The following SLC22A2 variants were observed in gnomAD, a reference collection of about 807,000 sequenced individuals.
SLC22A2 encodes solute carrier family 22 member 2, also known as organic cation transporter 2.
In SLC22A2, 46 loss-of-function variants were observed where a neutral mutation model predicts 60.5. The observed-to-expected ratio is 0.76, with a 90% CI of 0.60 to 0.97. SLC22A2 has a LOEUF of 0.97. SLC22A2 is among the 50% of genes least tolerant of loss of function. The pLI is 0.00. For synonymous variants in SLC22A2, 303 were observed against 267.0 expected (o/e 1.13, Z -1.31); for missense variants, 701 against 706.6 (o/e 0.99, Z 0.09).
At chr6:160,256,882 TTCTTCTTC>T (rs1175488632) in intron 1 of SLC22A2, among the ~76,000 whole-genome samples, 165 bp from the exon 2 acceptor site, 1 of 147,414 alleles carries the variant, frequency 6.8e-6, no homozygotes, top group Non-Finnish European at 1.5e-5. Context: ...GCCAATTTTC[TTCTTCTTC>T]TCTCTCTCTC....
At chr6:160,248,592 T>C (rs1368513607) in intron 4 of SLC22A2, among the ~76,000 whole-genome samples, 1 of 152,230 alleles carries the variant, frequency 6.6e-6, no homozygotes, top group East Asian at 1.9e-4. Flanking sequence ...GATAATCCAG[T>C]ATCCCCTTTG....
chr6:160,234,634 C>T (rs576617837), intron 9 of SLC22A2, among the ~76,000 whole-genome samples: 1 of 152,222 alleles, frequency 6.6e-6, no homozygotes, highest in South Asian at 2.1e-4. Flanking sequence ...GAACTTGTAA[C>T]CACATGGCAG....
At chr6:160,246,872 G>A (rs1347727505) in intron 5 of SLC22A2, among the ~76,000 whole-genome samples, 1 of 152,224 alleles carries the variant, frequency 6.6e-6, no homozygotes, top group African/African-American at 2.4e-5. Flanking sequence ...TGCAGATGAT[G>A]GGGGTGCTGG....
In SLC22A2 at chr6:160,245,499, A is replaced by G; in HGVS notation, c.1004T>C (p.Phe335Ser). 6.2e-7 allele frequency: 1 copy of G among 1,611,360 alleles called. No individual in the cohort carries two copies. Among genetic ancestry groups the G allele is most frequent in the East Asian group, 2.2e-5 (1 of 44,826 alleles). ...CTGAGGAGTTCTGACCAAGTCAAGA[A>G]ATGAAGGGTTCAATTTCTTGCCAGT... is the stretch of plus-strand genomic sequence containing the variant. ...EETGKKLNPS[F>S]LDLVRTPQIR... The change falls in exon 6 of 11, where the codon TTT (phenylalanine) becomes TCT (serine). Residue 335 changes from phenylalanine (F) to serine (S), a missense_variant. By Grantham distance (155) the Phe-to-Ser change is radical. Transcript: ENST00000366953.
At chr6:160,230,039 C>G (rs572462923) in intron 9 of SLC22A2, among the ~76,000 whole-genome samples, 1 of 151,836 alleles carries the variant, frequency 6.6e-6, no homozygotes, top group Non-Finnish European at 1.5e-5. Context: ...TTCTTTCCCT[C>G]CTGCCTGTTC....
intron 6 of SLC22A2, 125 bp from the exon 7 acceptor site, chr6:160,243,911 C>T: frequency 1.6e-6 from 1 of 637,212 alleles, no homozygotes; most frequent in Non-Finnish European, 2.7e-6. Flanking sequence ...CTTGCTAGTC[C>T]CCCATCCCAC....
Position 160,249,387 on chromosome 6 carries a change from G to T in SLC22A2, c.674-3C>A. The T allele has an allele frequency of 1.2e-6, 2 of 1,611,770 alleles. No individual in the cohort carries two copies. Among genetic ancestry groups the T allele is most frequent in the South Asian group, 2.2e-5 (2 of 90,752 alleles). On this transcript the variant is annotated splice_polypyrimidine_tract_variant and splice_region_variant and intron_variant, in intron 3 of 10. Coordinates refer to ENST00000366953, the MANE Select transcript of SLC22A2 (RefSeq NM_003058.4). ...TCTCCGCCCAACAAATTCTGTAACT[G>T]CAGAGAGAATTTGAATGGTTAATGC...
intron 9 of SLC22A2, among the ~76,000 whole-genome samples, chr6:160,231,084 T>A (rs1166948919): frequency 1.3e-5 from 2 of 151,816 alleles, no homozygotes; most frequent in African/African-American, 4.9e-5. Flanking sequence ...GGCTACCCAC[T>A]CCACATTACC....
intron 4 of SLC22A2, among the ~76,000 whole-genome samples, chr6:160,248,094 T>C (rs1026165186): frequency 6.6e-6 from 1 of 152,190 alleles, no homozygotes; most frequent in Non-Finnish European, 1.5e-5. Flanking sequence ...GGACTGAATG[T>C]TTCTGTCCCC....
At chr6:160,233,782 C>T (rs935874346) in intron 9 of SLC22A2, among the ~76,000 whole-genome samples, 5 of 151,864 alleles carry the variant, frequency 3.3e-5, no homozygotes, top group Non-Finnish European at 5.9e-5. Flanking sequence ...TAGGTTCCCA[C>T]GCTGCCCCTA....
chr6:160,224,840 T>G (rs765661967), intron 9 of SLC22A2, 36 bp from the exon 10 acceptor site: 2 of 1,265,084 alleles, frequency 1.6e-6, no homozygotes, highest in Admixed American at 2.2e-5. Flanking sequence ...CATTAAGAAC[T>G]GAAAAACTCA....
intron 1 of SLC22A2, among the ~76,000 whole-genome samples, 156 bp downstream of exon 1, chr6:160,258,188 G>C (rs932605244): frequency 6.6e-6 from 1 of 152,200 alleles, no homozygotes; most frequent in Non-Finnish European, 1.5e-5. Context: ...ATTAGAAGCT[G>C]CATGTTCTCA....
At position 160,217,221 on chromosome 6, in the gene SLC22A2, A is replaced by G. The variant is rs1782554344; in HGVS notation, c.*211T>C. 2.5e-6 allele frequency: 1 copy of G among 397,982 alleles called. No homozygotes were observed. Among genetic ancestry groups the G allele is most frequent in the African/African-American group, 2.1e-5 (1 of 48,510 alleles). The allele number at this position is 397,982 out of a possible 1,614,324, so 24.7% of individuals were successfully genotyped here. A position where few individuals can be genotyped will look rare whatever the true frequency, so the allele number is the denominator to read the frequency against. On this transcript the variant is annotated 3_prime_UTR_variant, in exon 11 of 11. Transcript: ENST00000366953. ...GTCCAATGTCCTAGGAATGCTGAGA[A>G]TAAAGTGAGCTGGAAGAATTTGGCA...
chr6:160,234,739 TG>T (rs1782883824), intron 9 of SLC22A2, among the ~76,000 whole-genome samples: 1 of 152,242 alleles, frequency 6.6e-6, no homozygotes, highest in African/African-American at 2.4e-5. Flanking sequence ...TAAAAGACTT[TG>T]CAAGCTCAGA....
chr6:160,227,995 C>A (rs1481689302), intron 9 of SLC22A2, among the ~76,000 whole-genome samples: 1 of 152,246 alleles, frequency 6.6e-6, no homozygotes, highest in Non-Finnish European at 1.5e-5. Flanking sequence ...TCATTAATAA[C>A]CCACCTTTTG....
intron 9 of SLC22A2, among the ~76,000 whole-genome samples, chr6:160,239,034 T>C (rs576857349): frequency 1.7e-4 from 26 of 152,176 alleles, no homozygotes; most frequent in African/African-American, 6.0e-4. Context: ...ACAAAGACCT[T>C]GGTGATAAAA....
chr6:160,238,625 T>C (rs1782951209), intron 9 of SLC22A2, among the ~76,000 whole-genome samples: 1 of 152,154 alleles, frequency 6.6e-6, no homozygotes, highest in Non-Finnish European at 1.5e-5. Context: ...TAGCACACCA[T>C]TATTGTGTGG....
At chr6:160,247,391 A>G in intron 4 of SLC22A2, 93 bp from the exon 5 acceptor site, 1 of 715,884 alleles carries the variant, frequency 1.4e-6, no homozygotes, top group Non-Finnish European at 2.5e-6. Context: ...GAGGATGTTA[A>G]TACAGTTGGA....
At chr6:160,240,769 C>G (rs1782985126) in intron 9 of SLC22A2, among the ~76,000 whole-genome samples, 1 of 152,072 alleles carries the variant, frequency 6.6e-6, no homozygotes, top group Non-Finnish European at 1.5e-5. Context: ...GAAAAAGCAT[C>G]ACATATTCAA....
Sources: gnomAD v4.1 joint callset for allele counts (sites outside exome capture counted in the v4.1 genomes callset) on GRCh38, gnomAD v4.1.1 for gene constraint, MANE v1.5 for transcripts, NCBI Gene and HGNC (gene_info 2026-07-23, HGNC 2026-07-21) for gene names.